The following TDRD12 variants were observed in gnomAD, a reference collection of about 807,000 sequenced individuals.
TDRD12 encodes putative ATP-dependent RNA helicase TDRD12.
TDRD12 carries 158 observed loss-of-function variants against 133.5 expected under a neutral mutation model. The ratio of observed to expected loss-of-function variants is 1.18; its 90% CI spans 1.04 to 1.35. TDRD12 has a LOEUF of 1.35. Among genes scored for constraint, TDRD12 ranks in the 40% most tolerant of loss-of-function variants. The pLI, the probability that TDRD12 is intolerant of heterozygous loss-of-function variation, is 0.00. For synonymous variants in TDRD12, 460 were observed against 477.9 expected (o/e 0.96, Z 0.49); for missense variants, 1,443 against 1,321.3 (o/e 1.09, Z -1.43).
chr19:32,796,457 C>T lies in TDRD12; in HGVS notation c.1474-1278C>T, dbSNP rs142225312. 2.1e-3 allele frequency among the ~76,000 whole-genome samples: 313 copies of T among 151,996 alleles called. 4 individuals carry two copies. The highest frequency in any genetic ancestry group is 3.8e-3 in the Admixed American group (58 of 15,264). Reference sequence around the variant, plus strand: ...AAAATTAGCTGGGCGTGGTGGCACACGCCTGTAGTTCCAGCTACTCGAGAG... The same window carrying T: ...AAAATTAGCTGGGCGTGGTGGCACATGCCTGTAGTTCCAGCTACTCGAGAG... On this transcript the variant is annotated intron_variant, in intron 14 of 27. Coordinates refer to ENST00000444215, the Ensembl canonical transcript of TDRD12.
Position 32,802,134 on chromosome 19 carries a change from AT to A in TDRD12, c.2197+262del, listed in dbSNP as rs541092849. Among the ~76,000 whole-genome samples the A allele has an allele frequency of 4.4e-3, 630 of 143,904 alleles. 5 individuals carry two copies. Among genetic ancestry groups the A allele is most frequent in the African/African-American group, 0.015 (582 of 38,134 alleles). The allele number at this position is 143,904 out of a possible 152,430, so 94.4% of individuals were successfully genotyped here. A position where few individuals can be genotyped will look rare whatever the true frequency, so the allele number is the denominator to read the frequency against. ...TATAGCTTGAGGATCACTATCATAT[AT>A]ATGATATATATTATCATATATATAT... is the stretch of plus-strand genomic sequence containing the variant. On this transcript the variant is annotated intron_variant, in intron 19 of 27. Transcript: ENST00000444215.
chr19:32,772,993 AT>A (rs1970481178), intron 9 of TDRD12, 143 bp downstream of exon 9: 2 of 468,762 alleles, frequency 4.3e-6, no homozygotes, highest in Non-Finnish European at 7.4e-6. Context: ...ATGAGAAAAT[AT>A]AGTTTGCTTG....
intron 14 of TDRD12, chr19:32,796,312 G>A (rs1476823406): frequency 1.1e-5 from 5 of 446,482 alleles, no homozygotes; most frequent in East Asian, 1.6e-4. Flanking sequence ...TCTGTTGGCC[G>A]GGCGCAGTGG....
In TDRD12 at chr19:32,766,646, G is replaced by A. The variant is rs535486096; in HGVS notation, c.866-6107G>A. On this transcript the variant is annotated intron_variant, in intron 8 of 27. Transcript: ENST00000444215. ...ATTTTTTTTTTTGAGACAGAGTCTC[G>A]CTCTGTCATTCAGGCTGGAGCGCGG... Among the ~76,000 whole-genome samples, 10 of 150,708 alleles carry A rather than the reference G, an allele frequency of 6.6e-5. No individual in the cohort carries two copies. The South Asian group carries it at 1.7e-3, about 25-fold the overall frequency.
At chr19:32,815,681 G>A in intron 26 of TDRD12, 61 bp downstream of exon 26, 1 of 1,437,574 alleles carries the variant, frequency 7.0e-7, no homozygotes, top group Non-Finnish European at 9.3e-7. Context: ...ACTCACAAGT[G>A]TTAAGGACAT....
At chr19:32,757,067 T>C (rs1970016059) in exon 8 of TDRD12, 1 of 1,551,914 alleles carries the variant, frequency 6.4e-7, no homozygotes, top group Non-Finnish European at 8.7e-7. Context: ...TCCGGCACAA[T>C]CTCTGCAACA....
chr19:32,799,728 C>CTTTTTTTTTTTT (rs71176153), intron 16 of TDRD12, among the ~76,000 whole-genome samples: 3 of 78,434 alleles, frequency 3.8e-5, no homozygotes, highest in African/African-American at 5.6e-5. Flanking sequence ...TAGTTTTTGC[C>CTTTTTTTTTTTT]TTTTTTTTTT....
In TDRD12 at chr19:32,756,991, TGG is replaced by T. The variant is rs563787560; in HGVS notation, c.773-45_773-44del. 5.7e-4 allele frequency: 843 copies of T among 1,475,790 alleles called. 13 individuals are homozygous for T. The South Asian group carries it at 9.6e-3, about 17-fold the overall frequency. 91.4% of individuals were successfully genotyped at this position (1,475,790 alleles called of 1,614,324 possible). ...TACTAACGAGTTCACATTTTTATTT[TGG>T]GCTTTATTTCATGCTTTAATTCTGA... On this transcript the variant is annotated intron_variant, in intron 7 of 27. Transcript: ENST00000444215.
intron 2 of TDRD12, among the ~76,000 whole-genome samples, chr19:32,734,174 C>T (rs1046775196): frequency 2.0e-5 from 3 of 152,078 alleles, no homozygotes; most frequent in Admixed American, 6.6e-5. Context: ...GGATTACAGG[C>T]GTGAGCCACC....
chr19:32,775,548 G>T (rs913284516), intron 10 of TDRD12, among the ~76,000 whole-genome samples: 1 of 152,092 alleles, frequency 6.6e-6, no homozygotes, highest in Non-Finnish European at 1.5e-5. Context: ...GCCCTGGCTG[G>T]TCTCCAACTC....
At chr19:32,803,088 A>T in exon 21 of TDRD12, 1 of 1,535,670 alleles carries the variant, frequency 6.5e-7, no homozygotes. Context: ...GCCAAAGAAG[A>T]TAAGAAAGCC....
intron 27 of TDRD12, 105 bp downstream of exon 27, chr19:32,818,262 G>A (rs528853681): frequency 1.6e-5 from 10 of 621,334 alleles, no homozygotes; most frequent in East Asian, 1.1e-4. Context: ...TCCACGGGCC[G>A]AGGGAAGGAC....
exon 7 of TDRD12, chr19:32,756,153 G>T: frequency 7.0e-7 from 1 of 1,431,914 alleles, no homozygotes; most frequent in Non-Finnish European, 9.1e-7. Context: ...CAATGTTTTT[G>T]CAAGGAAAAG....
At chr19:32,819,816 G>A (rs181353631) in intron 27 of TDRD12, among the ~76,000 whole-genome samples, 12 of 152,204 alleles carry the variant, frequency 7.9e-5, no homozygotes, top group Non-Finnish European at 1.5e-4. Flanking sequence ...GTTAGGGAAC[G>A]TGGGTCTGCA....
At chr19:32,820,075 A>G (rs1967325099) in intron 27 of TDRD12, among the ~76,000 whole-genome samples, 2 of 152,146 alleles carry the variant, frequency 1.3e-5, no homozygotes, top group African/African-American at 4.8e-5. Context: ...AGGAGGATCT[A>G]TCGAAGGAGA....
chr19:32,793,951 C>T (rs1027133782), intron 13 of TDRD12, among the ~76,000 whole-genome samples: 5 of 147,486 alleles, frequency 3.4e-5, no homozygotes, highest in East Asian at 2.0e-4. Flanking sequence ...CCTGACACCA[C>T]GCCCGGCTAA....
At chr19:32,790,912 G>C in intron 12 of TDRD12, 52 bp from the exon 13 acceptor site, 1 of 1,517,042 alleles carries the variant, frequency 6.6e-7, no homozygotes, top group Non-Finnish European at 8.8e-7. Context: ...TTGATCTCCT[G>C]TGCTGACGCC....
chr19:32,806,687 T>G (rs922542033), intron 21 of TDRD12, among the ~76,000 whole-genome samples: 4 of 151,774 alleles, frequency 2.6e-5, no homozygotes, highest in Non-Finnish European at 5.9e-5. Flanking sequence ...AGATGGAGTC[T>G]TGCTCTGTCG....
chr19:32,799,976 C>T (rs953183581), intron 16 of TDRD12, among the ~76,000 whole-genome samples, 191 bp from the exon 17 acceptor site: 5 of 151,856 alleles, frequency 3.3e-5, no homozygotes, highest in South Asian at 2.1e-4. Context: ...CCTCATGATC[C>T]GCCTGCCTCA....
Sources: allele counts gnomAD v4.1 joint callset (sites outside exome capture counted in the v4.1 genomes callset), GRCh38; gene constraint gnomAD v4.1.1; transcripts MANE v1.5; gene names NCBI Gene and HGNC (gene_info 2026-07-23, HGNC 2026-07-21).